Variants in LRIG2 observed in about 807,000 individuals in gnomAD.
LRIG2 encodes leucine rich repeats and immunoglobulin like domains 2.
A neutral mutation model predicts 107.8 loss-of-function variants in LRIG2; 93 were observed. That is an observed-to-expected ratio of 0.86 (90% confidence interval 0.73 to 1.03). The LOEUF (loss-of-function observed/expected upper bound fraction) is 1.03. LRIG2 is among the 50% of genes least tolerant of loss of function. The pLI, the probability that LRIG2 is intolerant of heterozygous loss-of-function variation, is 0.00. For missense variants in LRIG2, 1,226 were observed against 1,296.0 expected (o/e 0.95, Z 0.83); for synonymous variants, 471 against 470.6 (o/e 1.00, Z -0.01).
chr1:113,095,207 A>G (rs1570743721), intron 6 of LRIG2, among the ~76,000 whole-genome samples: 2 of 151,906 alleles, frequency 1.3e-5, no homozygotes, highest in South Asian at 2.1e-4. Flanking sequence ...TCCTGACCTC[A>G]TGATCCACCC....
In LRIG2 at chr1:113,095,927, T is replaced by TA; in HGVS notation, c.857_858insA (p.Arg287AlafsTer14). 6.2e-7 allele frequency: 1 copy of TA among 1,614,238 alleles called. No individual in the cohort carries two copies. The highest frequency in any genetic ancestry group is 8.5e-7 in the Non-Finnish European group (1 of 1,180,036). On this transcript the variant is annotated frameshift_variant, in exon 7 of 18. Coordinates refer to ENST00000361127, the MANE Select transcript of LRIG2 (RefSeq NM_014813.3). LOFTEE classifies it high-confidence loss of function. Reference sequence around the variant, plus strand: ...GTAAACAAGGGGTGGTTGTATGGCTTGCGAATGTTACAGCAGCTCTATGTG... The same window carrying TA: ...GTAAACAAGGGGTGGTTGTATGGCTTAGCGAATGTTACAGCAGCTCTATGTG...
rs145453872 is a variant in LRIG2, at chr1:113,110,110, C to T, written c.1478-132C>T. ...TTTAAACAAGGGAATTGGACTGTAG[C>T]TCTGTAGTCTCTTTCAACTTTAATA... On this transcript the variant is annotated intron_variant, in intron 12 of 17. Transcript: ENST00000361127. The T allele has an allele frequency of 7.2e-4, 456 of 635,098 alleles. 2 individuals carry two copies. Among genetic ancestry groups the T allele is most frequent in the Non-Finnish European group, 1.0e-3 (391 of 375,302 alleles). The allele number at this position is 635,098 out of a possible 1,614,324, so 39.3% of individuals were successfully genotyped here.
At chr1:113,079,230 C>T (rs1053743540) in intron 1 of LRIG2, among the ~76,000 whole-genome samples, 7 of 151,788 alleles carry the variant, frequency 4.6e-5, no homozygotes, top group African/African-American at 1.7e-4. Context: ...CACCTCTAGT[C>T]CCAGTTACTT....
chr1:113,107,832 A>C, intron 12 of LRIG2, 75 bp downstream of exon 12: 4 of 1,324,420 alleles, frequency 3.0e-6, no homozygotes, highest in South Asian at 1.4e-5. Flanking sequence ...TTAAACCAGA[A>C]TGGTTTTCCA....
Position 113,124,220 on chromosome 1 carries a change from T to G in LRIG2, c.*119T>G, listed in dbSNP as rs376195015. The G allele has an allele frequency of 4.6e-6, 4 of 863,794 alleles. No individual in the cohort carries two copies. Among genetic ancestry groups the G allele is most frequent in the Non-Finnish European group, 5.4e-6 (3 of 554,730 alleles). 53.5% of individuals were successfully genotyped at this position (863,794 alleles called of 1,614,324 possible). On this transcript the variant is annotated 3_prime_UTR_variant, in exon 18 of 18. Transcript: ENST00000361127. ...GCTTTACTCTTTCTTTATGATTGCA[T>G]CTGACCGCACCAAGGTGGGCCATGC...
At chr1:113,118,956 A>G (rs998991004) in intron 16 of LRIG2, among the ~76,000 whole-genome samples, 1 of 151,954 alleles carries the variant, frequency 6.6e-6, no homozygotes, top group Non-Finnish European at 1.5e-5. Context: ...GAGCCACCGC[A>G]CCCGGTAGCG....
rs1373298848 is a variant in LRIG2 at position 113,114,747 on chromosome 1, G to A, written c.2401G>A (p.Asp801Asn). ...SSQSSIGHED[D>N]GWTTVGIVII... ...CCAGAGTAGCATTGGGCATGAAGAT[G>A]ATGGCTGGACCACAGTTGGCATTGT... The change falls in exon 15 of 18, where the codon GAT (aspartate) becomes AAT (asparagine). Residue 801 changes from aspartate to asparagine, a missense_variant. By Grantham distance (23) the Asp-to-Asn change is conservative. Coordinates refer to ENST00000361127, the MANE Select transcript of LRIG2 (RefSeq NM_014813.3). The A allele has an allele frequency of 3.1e-6, 5 of 1,614,176 alleles. No homozygotes were observed. The Admixed American group carries it at 8.3e-5, about 27-fold the overall frequency.
intron 1 of LRIG2, among the ~76,000 whole-genome samples, chr1:113,082,379 C>T (rs1214249798): frequency 6.6e-6 from 1 of 152,174 alleles, no homozygotes. Flanking sequence ...CAATTATACC[C>T]TGGTGTATTA....
intron 1 of LRIG2, among the ~76,000 whole-genome samples, chr1:113,074,647 G>T (rs556611213): frequency 6.6e-6 from 1 of 152,248 alleles, no homozygotes; most frequent in South Asian, 2.1e-4. Context: ...GGTGGCTCAC[G>T]CCTGTAATCC....
rs1654597155 is a variant in LRIG2, at chr1:113,107,697, C to T, written c.1417C>T (p.His473Tyr). The change falls in exon 12 of 18, where the codon CAC becomes TAC. Residue 473 changes from histidine (H) to tyrosine (Y), a missense_variant. His to Tyr is a moderately conservative substitution (Grantham distance 83). Coordinates refer to ENST00000361127, the MANE Select transcript of LRIG2 (RefSeq NM_014813.3). ...ACATTCTGTGAATGTAAGCTGTGCA[C>T]ACCCTGAATGGCTAGCAGGGCAAAG... The part of the protein sequence containing the change: ...FQHSVNVSCA[H>Y]PEWLAGQSIL... 1.2e-6 allele frequency: 2 copies of T among 1,613,608 alleles called. No individual in the cohort carries two copies. Among genetic ancestry groups the T allele is most frequent in the Non-Finnish European group, 1.7e-6 (2 of 1,179,838 alleles).
intron 11 of LRIG2, among the ~76,000 whole-genome samples, chr1:113,107,222 A>G (rs1381384120): frequency 1.3e-5 from 2 of 152,174 alleles, no homozygotes; most frequent in Non-Finnish European, 2.9e-5. Context: ...ACCACACCCA[A>G]AGAAATTAAC....
In LRIG2 at chr1:113,091,035, A is replaced by G. The variant is rs189093201; in HGVS notation, c.240-283A>G. Among the ~76,000 whole-genome samples the G allele has an allele frequency of 2.6e-5, 4 of 151,650 alleles. No homozygotes were observed. The East Asian group carries it at 8.0e-4, about 30-fold the overall frequency. Reference sequence around the variant, plus strand: ...CCTGGATGATATTTGTATTTTTAGTAGAGATGGGGTTTCACCAGGTGATTC... The same window carrying G: ...CCTGGATGATATTTGTATTTTTAGTGGAGATGGGGTTTCACCAGGTGATTC... On this transcript the variant is annotated intron_variant, in intron 1 of 17. Transcript: ENST00000361127.
chr1:113,113,927 C>T (rs1022889118), intron 14 of LRIG2, among the ~76,000 whole-genome samples: 1 of 152,074 alleles, frequency 6.6e-6, no homozygotes, highest in South Asian at 2.1e-4. Context: ...TCTAGACTTT[C>T]CCCTCTCACT....
At chr1:113,111,767 G>GT (rs34691317) in intron 13 of LRIG2, among the ~76,000 whole-genome samples, 17,862 of 152,076 alleles carry the variant, frequency 0.12, 1,148 homozygotes, top group Admixed American at 0.17. Flanking sequence ...GAAGGCATAA[G>GT]TTTTTTTAGC....
chr1:113,109,554 T>G (rs1429522945), intron 12 of LRIG2, among the ~76,000 whole-genome samples: 1 of 152,160 alleles, frequency 6.6e-6, no homozygotes, highest in South Asian at 2.1e-4. Flanking sequence ...GTCTCGCTCT[T>G]TTGCCCAGGC....
chr1:113,088,175 C>T (rs896548617), intron 1 of LRIG2, among the ~76,000 whole-genome samples: 4 of 152,028 alleles, frequency 2.6e-5, no homozygotes, highest in African/African-American at 9.7e-5. Flanking sequence ...TTTAGAGGGT[C>T]CAGAGAGCCT....
intron 2 of LRIG2, 38 bp downstream of exon 2, chr1:113,091,421 C>A: frequency 7.7e-7 from 1 of 1,295,692 alleles, no homozygotes; most frequent in Non-Finnish European, 1.1e-6. Flanking sequence ...ATGTTAAATT[C>A]CTGAGGGAAC....
At chr1:113,079,750 T>G (rs1653171500) in intron 1 of LRIG2, among the ~76,000 whole-genome samples, 1 of 150,442 alleles carries the variant, frequency 6.6e-6, no homozygotes, top group African/African-American at 2.4e-5. Context: ...CTTTTTTTTT[T>G]TTTTTTTTTG....
chr1:113,089,666 A>T (rs71659387), intron 1 of LRIG2, among the ~76,000 whole-genome samples: 15 of 129,694 alleles, frequency 1.2e-4, no homozygotes, highest in Non-Finnish European at 2.3e-4. Context: ...CTCTTACTGA[A>T]GGTGGATTGC....
Sources: allele counts gnomAD v4.1 joint callset (sites outside exome capture counted in the v4.1 genomes callset), GRCh38; gene constraint gnomAD v4.1.1; transcripts MANE v1.5; gene names NCBI Gene and HGNC (gene_info 2026-07-23, HGNC 2026-07-21).